Variants in MSI2 observed in about 807,000 individuals in gnomAD.
MSI2 encodes RNA-binding protein Musashi homolog 2.
MSI2 carries 17 observed loss-of-function variants against 45.6 expected under a neutral mutation model. The ratio of observed to expected loss-of-function variants is 0.37; its 90% CI spans 0.26 to 0.56. MSI2 has a LOEUF of 0.56. Among genes scored for constraint, MSI2 ranks in the 20% least tolerant of loss-of-function variants. MSI2 has a pLI of 0.77. For synonymous variants in MSI2, 156 were observed against 158.2 expected (o/e 0.99, Z 0.11); for missense variants, 293 against 444.2 (o/e 0.66, Z 3.06).
intron 7 of MSI2, among the ~76,000 whole-genome samples, chr17:57,577,445 A>G (rs1383835304): frequency 6.6e-6 from 1 of 152,190 alleles, no homozygotes; most frequent in Admixed American, 6.5e-5. Flanking sequence ...ATAGAGCCCA[A>G]CTGGTAATAT....
At chr17:57,640,817 C>T (rs182332015) in intron 10 of MSI2, among the ~76,000 whole-genome samples, 9 of 152,284 alleles carry the variant, frequency 5.9e-5, no homozygotes, top group Non-Finnish European at 8.8e-5. Flanking sequence ...GATGCAGGGA[C>T]GCTCTGTGGC....
chr17:57,482,942 TGA>T (rs1315306317), intron 6 of MSI2, among the ~76,000 whole-genome samples: 2 of 152,232 alleles, frequency 1.3e-5, no homozygotes, highest in Non-Finnish European at 2.9e-5. Flanking sequence ...AAACATTTTC[TGA>T]GAGTCCGGCT....
intron 5 of MSI2, among the ~76,000 whole-genome samples, chr17:57,382,874 A>T (rs925481237): frequency 3.3e-5 from 5 of 152,234 alleles, no homozygotes; most frequent in Non-Finnish European, 7.3e-5. Flanking sequence ...TAATTGTACC[A>T]TTGGCTCTTA....
intron 6 of MSI2, among the ~76,000 whole-genome samples, chr17:57,526,356 G>GT (rs2086695720): frequency 1.6e-5 from 2 of 122,614 alleles, no homozygotes; most frequent in East Asian, 5.1e-4. Context: ...GATATACCTG[G>GT]GTGTGTGTGT....
intron 5 of MSI2, among the ~76,000 whole-genome samples, chr17:57,387,856 T>C (rs1276845258): frequency 6.6e-6 from 1 of 152,144 alleles, no homozygotes; most frequent in Non-Finnish European, 1.5e-5. Context: ...AAGAGGGACT[T>C]AATTGTGTGC....
At chr17:57,340,180 A>T (rs1004339306) in intron 5 of MSI2, among the ~76,000 whole-genome samples, 16 of 152,226 alleles carry the variant, frequency 1.1e-4, no homozygotes, top group African/African-American at 2.9e-4. Context: ...TATTATTCTT[A>T]CCTTACTAGG....
chr17:57,332,418 T>C (rs1267403917), intron 5 of MSI2, among the ~76,000 whole-genome samples: 3 of 152,204 alleles, frequency 2.0e-5, no homozygotes, highest in African/African-American at 7.2e-5. Flanking sequence ...CCATTTTTAT[T>C]TGGGCTGCCA....
intron 5 of MSI2, among the ~76,000 whole-genome samples, chr17:57,331,151 T>TG (rs1385361600): frequency 1.3e-5 from 2 of 152,090 alleles, no homozygotes; most frequent in African/African-American, 4.8e-5. Flanking sequence ...TGACCTCAGG[T>TG]GATCCACCCG....
intron 9 of MSI2, among the ~76,000 whole-genome samples, chr17:57,620,688 C>G (rs1908208011): frequency 6.6e-6 from 1 of 152,176 alleles, no homozygotes; most frequent in African/African-American, 2.4e-5. Context: ...GAGTAGCCAC[C>G]TTCTGACAAA....
chr17:57,454,438 C>CT (rs35707042), intron 6 of MSI2, among the ~76,000 whole-genome samples: 28,326 of 130,074 alleles, frequency 0.22, 3,501 homozygotes, highest in East Asian at 0.26. Context: ...TTTTCTCTTT[C>CT]TTTTTTTTTT....
chr17:57,591,110 G>A (rs1014873816), intron 7 of MSI2, among the ~76,000 whole-genome samples: 3 of 152,132 alleles, frequency 2.0e-5, no homozygotes, highest in African/African-American at 7.2e-5. Context: ...GGGAGTCTCT[G>A]GGGCACATAG....
chr17:57,492,145 A>G (rs2085885060), intron 6 of MSI2, among the ~76,000 whole-genome samples: 1 of 152,208 alleles, frequency 6.6e-6, no homozygotes, highest in Admixed American at 6.5e-5. Flanking sequence ...TTCATTTGTA[A>G]TTCTTGACAG....
intron 8 of MSI2, chr17:57,602,005 A>G (rs1905935860): frequency 1.3e-5 from 2 of 152,224 alleles, no homozygotes; most frequent in African/African-American, 2.4e-5. Flanking sequence ...CCATTTAGGC[A>G]AACCTAGTAT....
At chr17:57,336,617 T>G (rs1914710170) in intron 5 of MSI2, among the ~76,000 whole-genome samples, 1 of 152,214 alleles carries the variant, frequency 6.6e-6, no homozygotes, top group Non-Finnish European at 1.5e-5. Context: ...CTGAATGCAT[T>G]TAAATAATGT....
intron 6 of MSI2, among the ~76,000 whole-genome samples, chr17:57,410,934 G>T (rs1485578866): frequency 2.0e-5 from 3 of 152,194 alleles, no homozygotes; most frequent in African/African-American, 7.2e-5. Context: ...TGAAATGCTG[G>T]AGTAGTTTGC....
chr17:57,388,407 T>C (rs2083722326), intron 5 of MSI2, among the ~76,000 whole-genome samples: 1 of 152,218 alleles, frequency 6.6e-6, no homozygotes, highest in East Asian at 1.9e-4. Context: ...GCAATGTGCT[T>C]ATCGCTTCTT....
intron 6 of MSI2, among the ~76,000 whole-genome samples, chr17:57,523,082 C>G (rs1186373159): frequency 6.7e-6 from 1 of 149,362 alleles, no homozygotes; most frequent in Non-Finnish European, 1.5e-5. Flanking sequence ...GAGTCTCACT[C>G]TGTCATCCAG....
chr17:57,542,562 C>T (rs1275225294), intron 7 of MSI2, among the ~76,000 whole-genome samples: 1 of 152,180 alleles, frequency 6.6e-6, no homozygotes, highest in East Asian at 1.9e-4. Flanking sequence ...GTCCTGATGC[C>T]TGAGTCCCAC....
intron 6 of MSI2, among the ~76,000 whole-genome samples, chr17:57,477,605 G>A (rs1017153665): frequency 2.0e-5 from 3 of 152,180 alleles, no homozygotes; most frequent in African/African-American, 7.2e-5. Context: ...TTTGTACAAA[G>A]CCTACTGAGT....
Sources: gnomAD v4.1 joint callset for allele counts (sites outside exome capture counted in the v4.1 genomes callset) on GRCh38, gnomAD v4.1.1 for gene constraint, MANE v1.5 for transcripts, NCBI Gene and HGNC (gene_info 2026-07-23, HGNC 2026-07-21) for gene names.